Variants in CFAP95 observed in about 807,000 individuals in gnomAD.
CFAP95 encodes the protein cilia- and flagella-associated protein 95.
the CFAP95 span, among the ~76,000 whole-genome samples, chr9:69,898,681 T>A: frequency 6.6e-6 from 1 of 152,178 alleles, no homozygotes; most frequent in South Asian, 2.1e-4. Flanking sequence ...ACAGTCCATG[T>A]TAAATATCAT....
the CFAP95 span, among the ~76,000 whole-genome samples, chr9:69,825,039 C>T: frequency 6.6e-6 from 1 of 152,262 alleles, no homozygotes; most frequent in Non-Finnish European, 1.5e-5. Context: ...GTGTAAAATT[C>T]TAAATTGAAT....
the CFAP95 span, among the ~76,000 whole-genome samples, chr9:69,904,415 C>T: frequency 6.6e-6 from 1 of 152,156 alleles, no homozygotes; most frequent in South Asian, 2.1e-4. Flanking sequence ...ATGTCTAGAC[C>T]GTGTTTGTTT....
the CFAP95 span, among the ~76,000 whole-genome samples, chr9:69,834,019 C>T: frequency 6.6e-6 from 1 of 152,090 alleles, no homozygotes; most frequent in East Asian, 1.9e-4. Flanking sequence ...TGATGTTATT[C>T]TGGAATAATT....
At chr9:69,855,578 G>T in the CFAP95 span, among the ~76,000 whole-genome samples, 2,373 of 152,252 alleles carry the variant, frequency 0.016, 31 homozygotes, top group South Asian at 0.047. Context: ...ATTTGGCTGG[G>T]AGGATAGTCA....
the CFAP95 span, among the ~76,000 whole-genome samples, chr9:69,843,766 G>A: frequency 3.3e-4 from 49 of 150,480 alleles, no homozygotes; most frequent in African/African-American, 1.1e-3. Context: ...CCAGCCTCCC[G>A]TGTAGCTGGG....
chr9:69,868,395 G>T, the CFAP95 span, among the ~76,000 whole-genome samples: 1 of 152,022 alleles, frequency 6.6e-6, no homozygotes, highest in African/African-American at 2.4e-5. Flanking sequence ...ATGAGGCTGG[G>T]TGTCATGGCC....
the CFAP95 span, among the ~76,000 whole-genome samples, chr9:69,821,226 TGAGACGA>T: frequency 6.7e-6 from 1 of 148,924 alleles, no homozygotes; most frequent in Middle Eastern, 3.5e-3. Context: ...GAGAAAAAGA[TGAGACGA>T]GAGAGGAATG....
the CFAP95 span, among the ~76,000 whole-genome samples, chr9:69,898,961 ATCT>A: frequency 6.6e-6 from 1 of 151,928 alleles, no homozygotes; most frequent in Middle Eastern, 3.2e-3. Flanking sequence ...GCTATGAATC[ATCT>A]TTGGTTCTTT....
the CFAP95 span, among the ~76,000 whole-genome samples, chr9:69,825,558 T>C: frequency 1.3e-5 from 2 of 152,224 alleles, no homozygotes; most frequent in East Asian, 1.9e-4. Context: ...TTGATGCTTC[T>C]GAGCCAGAGA....
the CFAP95 span, among the ~76,000 whole-genome samples, chr9:69,853,207 C>T: frequency 1.3e-5 from 2 of 152,148 alleles, no homozygotes; most frequent in African/African-American, 4.8e-5. Flanking sequence ...AACAGTCTGG[C>T]CAACCTGAAA....
the CFAP95 span, among the ~76,000 whole-genome samples, chr9:69,823,654 G>A: frequency 6.6e-6 from 1 of 152,192 alleles, no homozygotes; most frequent in Non-Finnish European, 1.5e-5. Context: ...CCACCAAACA[G>A]GCTCTGTGTG....
the CFAP95 span, among the ~76,000 whole-genome samples, chr9:69,850,538 T>C: frequency 5.3e-5 from 8 of 152,322 alleles, no homozygotes; most frequent in East Asian, 1.5e-3. Flanking sequence ...ATACCAGATA[T>C]GGGAAATTCA....
chr9:69,843,742 G>A, the CFAP95 span, among the ~76,000 whole-genome samples: 2 of 150,266 alleles, frequency 1.3e-5, no homozygotes, highest in East Asian at 2.0e-4. Flanking sequence ...CCTCCCTGAG[G>A]TGATCCTCCT....
the CFAP95 span, among the ~76,000 whole-genome samples, chr9:69,836,606 A>T: frequency 1.3e-5 from 2 of 152,034 alleles, no homozygotes; most frequent in Admixed American, 1.3e-4. Flanking sequence ...AATGGCATTT[A>T]AAAAAATAAA....
the CFAP95 span, among the ~76,000 whole-genome samples, chr9:69,865,593 G>C: frequency 6.6e-6 from 1 of 152,148 alleles, no homozygotes; most frequent in Non-Finnish European, 1.5e-5. Context: ...TCCAGACCAG[G>C]CTATTCAGAG....
At chr9:69,868,088 T>A in the CFAP95 span, among the ~76,000 whole-genome samples, 2 of 152,204 alleles carry the variant, frequency 1.3e-5, no homozygotes, top group Non-Finnish European at 2.9e-5. Flanking sequence ...GGTATAGTTT[T>A]TGCCATTTCT....
At chr9:69,891,246 G>A in the CFAP95 span, among the ~76,000 whole-genome samples, 2 of 152,196 alleles carry the variant, frequency 1.3e-5, no homozygotes, top group Non-Finnish European at 2.9e-5. Context: ...AGGATTGCCT[G>A]TCCTACTACT....
the CFAP95 span, among the ~76,000 whole-genome samples, chr9:69,901,199 G>A: frequency 1.3e-5 from 2 of 150,956 alleles, no homozygotes; most frequent in African/African-American, 4.9e-5. Context: ...GTGCAGTGGC[G>A]CGATCTTGGC....
At chr9:69,849,807 T>C in the CFAP95 span, among the ~76,000 whole-genome samples, 1 of 152,158 alleles carries the variant, frequency 6.6e-6, no homozygotes, top group Admixed American at 6.6e-5. Context: ...GGAAATAGAT[T>C]CACAGGAGAA....
Sources: allele counts gnomAD v4.1 joint callset (sites outside exome capture counted in the v4.1 genomes callset), GRCh38; gene constraint gnomAD v4.1.1; transcripts MANE v1.5; gene names NCBI Gene and HGNC (gene_info 2026-07-23, HGNC 2026-07-21).